The following FCHSD2 variants were observed in gnomAD, a reference collection of about 807,000 sequenced individuals.
FCHSD2 encodes F-BAR and double SH3 domains protein 2.
FCHSD2 carries 38 observed loss-of-function variants against 108.1 expected under a neutral mutation model. The observed-to-expected ratio is 0.35, with a 90% CI of 0.27 to 0.46. The LOEUF is 0.46. Ranked by LOEUF, FCHSD2 falls within the 20% of genes least tolerant of loss-of-function variation. The pLI, the probability that FCHSD2 is intolerant of heterozygous loss-of-function variation, is 1.00. For synonymous variants in FCHSD2, 279 were observed against 314.7 expected, an observed-to-expected ratio of 0.89 and a Z score of 1.20; for missense variants, 751 against 897.8, an observed-to-expected ratio of 0.84 and a Z score of 2.09.
chr11:72,881,652 G>C (rs928271933), intron 12 of FCHSD2, among the ~76,000 whole-genome samples: 2 of 152,122 alleles, frequency 1.3e-5, no homozygotes, highest in African/African-American at 4.8e-5. Flanking sequence ...TCCATCAGTG[G>C]ATTAAGAAAA....
At chr11:72,965,729 G>A (rs1473539472) in intron 8 of FCHSD2, among the ~76,000 whole-genome samples, 1 of 152,160 alleles carries the variant, frequency 6.6e-6, no homozygotes, top group Non-Finnish European at 1.5e-5. Flanking sequence ...CCTCACCCAA[G>A]ATAACCATTG....
intron 3 of FCHSD2, among the ~76,000 whole-genome samples, chr11:73,043,230 T>C (rs374829444): frequency 1.1e-4 from 16 of 152,208 alleles, no homozygotes; most frequent in African/African-American, 3.6e-4. Context: ...ATGTTCTTTC[T>C]ATGCCCAGTC....
intron 2 of FCHSD2, among the ~76,000 whole-genome samples, chr11:73,127,596 T>C (rs965030417): frequency 6.6e-6 from 1 of 152,164 alleles, no homozygotes; most frequent in Non-Finnish European, 1.5e-5. Context: ...AATGAACATC[T>C]GGAGAATTTA....
At chr11:73,039,069 T>C (rs1381482081) in intron 3 of FCHSD2, among the ~76,000 whole-genome samples, 3 of 152,228 alleles carry the variant, frequency 2.0e-5, no homozygotes, top group Non-Finnish European at 4.4e-5. Flanking sequence ...TCCATAATAA[T>C]TGCAGAATCA....
At chr11:73,140,264 T>A (rs1315782421) in intron 1 of FCHSD2, 136 bp from the exon 2 acceptor site, 2 of 525,112 alleles carry the variant, frequency 3.8e-6, no homozygotes, top group Non-Finnish European at 3.4e-6. Context: ...ATTCGCCATC[T>A]AGTTTTATTT....
chr11:72,880,808 CA>C (rs2135232339), intron 12 of FCHSD2, among the ~76,000 whole-genome samples: 1 of 150,246 alleles, frequency 6.7e-6, no homozygotes, highest in Admixed American at 6.7e-5. Flanking sequence ...GCCAAGGCTG[CA>C]GTGAGCTGTG....
At chr11:73,009,077 A>G (rs913977800) in intron 4 of FCHSD2, among the ~76,000 whole-genome samples, 1 of 152,192 alleles carries the variant, frequency 6.6e-6, no homozygotes, top group African/African-American at 2.4e-5. Context: ...TAGTGTTACA[A>G]AAGTCTAATG....
intron 13 of FCHSD2, among the ~76,000 whole-genome samples, chr11:72,864,300 C>T (rs1854670611): frequency 6.6e-6 from 1 of 152,150 alleles, no homozygotes; most frequent in Admixed American, 6.5e-5. Flanking sequence ...GTGGCTCATG[C>T]CTGTAATCCC....
At chr11:73,119,177 C>T (rs540672682) in intron 2 of FCHSD2, among the ~76,000 whole-genome samples, 2 of 151,962 alleles carry the variant, frequency 1.3e-5, no homozygotes, top group Non-Finnish European at 2.9e-5. Flanking sequence ...TGGCACATGC[C>T]TGTAGTCCCA....
chr11:72,945,923 T>A (rs1206641436), intron 8 of FCHSD2, among the ~76,000 whole-genome samples: 2 of 152,100 alleles, frequency 1.3e-5, no homozygotes, highest in South Asian at 2.1e-4. Context: ...TGTGGAGAAA[T>A]AGGAACACTT....
At chr11:72,865,326 T>C (rs540958348) in intron 13 of FCHSD2, among the ~76,000 whole-genome samples, 8 of 152,338 alleles carry the variant, frequency 5.3e-5, no homozygotes, top group Admixed American at 5.2e-4. Context: ...AGGTCCTCAT[T>C]AAGCTATTTT....
At chr11:72,878,221 G>C (rs190346058) in intron 12 of FCHSD2, among the ~76,000 whole-genome samples, 31 of 152,158 alleles carry the variant, frequency 2.0e-4, no homozygotes, top group African/African-American at 6.5e-4. Flanking sequence ...CAAGGCTATA[G>C]TACACTATGA....
chr11:72,886,151 T>C (rs572131776), intron 12 of FCHSD2, among the ~76,000 whole-genome samples: 2 of 152,318 alleles, frequency 1.3e-5, no homozygotes, highest in East Asian at 1.9e-4. Context: ...ATTCCTTGTA[T>C]TGGGTCCCTG....
Position 73,001,207 on chromosome 11 carries a change from A to G in FCHSD2, c.243-73T>C, listed in dbSNP as rs574194476. The G allele has an allele frequency of 1.2e-3, 1,571 of 1,275,588 alleles. 21 individuals carry two copies. The highest frequency in any genetic ancestry group is 8.1e-3 in the South Asian group (630 of 77,440). 79.0% of individuals were successfully genotyped at this position (1,275,588 alleles called of 1,614,324 possible). ...AAAAGTTGGCTAACCTTTTGCTCAC[A>G]GGGCAGCACTGACAGAATAAATGAA... On this transcript the variant is annotated intron_variant, in intron 4 of 19. Transcript: ENST00000409418.
At chr11:72,983,154 C>T (rs1353876153) in intron 8 of FCHSD2, among the ~76,000 whole-genome samples, 2 of 151,824 alleles carry the variant, frequency 1.3e-5, no homozygotes, top group South Asian at 2.1e-4. Flanking sequence ...ATTAGCTGGG[C>T]GTAGTGGCGG....
At chr11:72,912,081 C>T (rs756369862) in intron 9 of FCHSD2, among the ~76,000 whole-genome samples, 1 of 152,200 alleles carries the variant, frequency 6.6e-6, no homozygotes, top group African/African-American at 2.4e-5. Context: ...TATAAGCCTA[C>T]ATCATCTGCA....
chr11:73,097,305 C>T (rs1328270219), intron 2 of FCHSD2, among the ~76,000 whole-genome samples: 3 of 151,338 alleles, frequency 2.0e-5, no homozygotes, highest in Admixed American at 6.6e-5. Context: ...CCCACTTGGT[C>T]GTGGTGGATA....
chr11:72,919,444 T>C (rs1464398611), intron 9 of FCHSD2, among the ~76,000 whole-genome samples: 2 of 152,138 alleles, frequency 1.3e-5, no homozygotes, highest in Non-Finnish European at 2.9e-5. Context: ...TCTATTAAAA[T>C]AATACAAGCT....
At chr11:73,009,849 T>C (rs1857823794) in intron 4 of FCHSD2, among the ~76,000 whole-genome samples, 2 of 152,208 alleles carry the variant, frequency 1.3e-5, no homozygotes, top group African/African-American at 4.8e-5. Flanking sequence ...TCTTTGATGT[T>C]AGATAGTTTG....
Sources: gnomAD v4.1 joint callset for allele counts (sites outside exome capture counted in the v4.1 genomes callset) on GRCh38, gnomAD v4.1.1 for gene constraint, MANE v1.5 for transcripts, NCBI Gene and HGNC (gene_info 2026-07-23, HGNC 2026-07-21) for gene names.